Variants in VCPKMT observed in about 807,000 individuals in gnomAD.
VCPKMT encodes protein N-lysine methyltransferase METTL21D.
Under a neutral mutation model 28.6 loss-of-function variants are expected in VCPKMT, and 32 were observed. The observed-to-expected ratio is 1.12, with a 90% CI of 0.84 to 1.50. The LOEUF is 1.50. Among genes scored for constraint, VCPKMT ranks in the 40% most tolerant of loss-of-function variants. The pLI is 0.00. For synonymous variants in VCPKMT, 138 were observed against 111.4 expected (o/e 1.24, Z -1.50); for missense variants, 366 against 285.0 (o/e 1.28, Z -2.05).
chr14:50,102,898 A>T, the VCPKMT span, among the ~76,000 whole-genome samples: 1 of 152,262 alleles, frequency 6.6e-6, no homozygotes, highest in Non-Finnish European at 1.5e-5. Flanking sequence ...CATTAATTGC[A>T]AACAGAAAGG....
intron 5 of VCPKMT, chr14:50,111,268 T>A (rs978221551): frequency 1.3e-5 from 13 of 985,196 alleles, no homozygotes; most frequent in African/African-American, 1.7e-5. Context: ...GCACAACAGC[T>A]TCAGTTAACA....
intron 3 of VCPKMT, among the ~76,000 whole-genome samples, chr14:50,114,684 T>A (rs892396225): frequency 6.6e-6 from 1 of 152,026 alleles, no homozygotes; most frequent in African/African-American, 2.4e-5. Context: ...CCGCAACACC[T>A]TACAAAAAAT....
chr14:50,114,102 A>G (rs1882923866), intron 4 of VCPKMT, among the ~76,000 whole-genome samples, 183 bp downstream of exon 4: 1 of 152,210 alleles, frequency 6.6e-6, no homozygotes, highest in African/African-American at 2.4e-5. Context: ...GAAATGAAAT[A>G]AAGTATCAGA....
chr14:50,105,942 ACCT>A (rs1425335189), downstream of VCPKMT, among the ~76,000 whole-genome samples: 4 of 151,344 alleles, frequency 2.6e-5, no homozygotes, highest in Admixed American at 6.6e-5. Flanking sequence ...TTATTTTAAA[ACCT>A]CCTATTTCAT....
chr14:50,110,776 A>C (rs1259092032), intron 5 of VCPKMT, among the ~76,000 whole-genome samples: 1 of 152,220 alleles, frequency 6.6e-6, no homozygotes, highest in Non-Finnish European at 1.5e-5. Context: ...TCATCAATGG[A>C]TGGATAAGGT....
chr14:50,102,917 G>A, the VCPKMT span, among the ~76,000 whole-genome samples: 3 of 152,222 alleles, frequency 2.0e-5, no homozygotes, highest in East Asian at 5.8e-4. Flanking sequence ...GGCCTTGCAA[G>A]TTTAATATAA....
chr14:50,116,244 G>C, intron 1 of VCPKMT, 43 bp downstream of exon 1: 1 of 1,610,916 alleles, frequency 6.2e-7, no homozygotes, highest in Non-Finnish European at 8.5e-7. Context: ...GATTTCCCCA[G>C]CAAGAAGGCG....
At chr14:50,111,089 A>T in intron 5 of VCPKMT, 1 of 757,370 alleles carries the variant, frequency 1.3e-6, no homozygotes, top group Non-Finnish European at 1.6e-6. Flanking sequence ...CTATGTGAAT[A>T]TACTAAAAAC....
At chr14:50,106,447 C>A, downstream of VCPKMT, 5 of 568,204 alleles carry the variant, frequency 8.8e-6, no homozygotes, top group African/African-American at 2.0e-5. Flanking sequence ...TCACCTTATC[C>A]ATTGCACTTG....
chr14:50,112,605 T>C lies in VCPKMT; in HGVS notation c.675+10A>G, dbSNP rs1490949553. ...TCCTTGGAGAATGAAGAACTGAGAA[T>C]GTTATTTACCGATTTTTTCTTTCTG... is the stretch of plus-strand genomic sequence containing the variant. On this transcript the variant is annotated intron_variant, in intron 5 of 5. Coordinates refer to ENST00000395860, the MANE Select transcript of VCPKMT (RefSeq NM_024558.3). 3 of 1,487,296 alleles carry C rather than the reference T, an allele frequency of 2.0e-6. No homozygotes were observed. The highest frequency in any genetic ancestry group is 2.8e-5 in the African/African-American group (2 of 71,820). The allele number at this position is 1,487,296 out of a possible 1,614,324, so 92.1% of individuals were successfully genotyped here.
Position 50,115,898 on chromosome 14 carries a change from C to T in VCPKMT, c.391G>A (p.Glu131Lys), listed in dbSNP as rs753471620. The T allele has an allele frequency of 6.2e-7, 1 of 1,613,506 alleles. No homozygotes were observed. The highest frequency in any genetic ancestry group is 2.2e-5 in the East Asian group (1 of 44,846). ...AAGTCGGGTGGAGAAGGAAAGCCTT[C>T]TATTTCTTCCCCCCTTAAAAATGCC... ...AKVLKWGEEI[E>K]GFPSPPDFIL... Residue 131 changes from glutamate (E) to lysine (K), a missense_variant, in exon 3 of 6, where the codon GAA becomes AAA. Transcript: ENST00000395860.
At chr14:50,107,576 C>T (rs983550586), downstream of VCPKMT, among the ~76,000 whole-genome samples, 1 of 152,174 alleles carries the variant, frequency 6.6e-6, no homozygotes, top group African/African-American at 2.4e-5. Context: ...GGCATACAGG[C>T]GTGAGCCACC....
chr14:50,111,363 G>A, intron 5 of VCPKMT: 1 of 985,324 alleles, frequency 1.0e-6, no homozygotes, highest in African/African-American at 1.7e-5. Context: ...TCCCGCTGCT[G>A]CCTTTTTACT....
rs117179687 is a variant in VCPKMT at position 50,112,639 on chromosome 14, A to G, written c.651T>C (p.Ile217=). The change falls in exon 5 of 6, where the codon ATT becomes ATC. Residue 217 remains isoleucine (I), a synonymous_variant. Coordinates refer to ENST00000395860, the MANE Select transcript of VCPKMT (RefSeq NM_024558.3). ...DEEYRSEDIH[I]IYIRKKKSKF... ...CCGATTTTTTCTTTCTGATGTATATAATATGAATATCTTCACTTCGATACT... is the reference window on the plus strand; with the variant it reads ...CCGATTTTTTCTTTCTGATGTATATGATATGAATATCTTCACTTCGATACT... 0.013 allele frequency: 20,018 copies of G among 1,559,934 alleles called. 168 individuals are homozygous for G. Among genetic ancestry groups the G allele is most frequent in the Non-Finnish European group, 0.015 (16,853 of 1,147,312 alleles).
chr14:50,116,021 A>G, intron 2 of VCPKMT, 48 bp downstream of exon 2: 1 of 1,594,026 alleles, frequency 6.3e-7, no homozygotes, highest in Non-Finnish European at 8.6e-7. Context: ...GCAATTCAAA[A>G]CAAACTACAA....
chr14:50,103,602 G>A, the VCPKMT span, among the ~76,000 whole-genome samples: 3 of 152,276 alleles, frequency 2.0e-5, no homozygotes, highest in East Asian at 5.8e-4. Context: ...GATTTGCTCT[G>A]TCCCTATTGG....
chr14:50,104,375 G>A (rs1403554663), downstream of VCPKMT, among the ~76,000 whole-genome samples: 5 of 152,104 alleles, frequency 3.3e-5, no homozygotes, highest in Admixed American at 2.0e-4. Context: ...TGGTGAAAAT[G>A]CCTTGAGAAT....
Position 50,108,926 on chromosome 14 carries a change from T to C in VCPKMT, c.*773A>G, listed in dbSNP as rs1397120173. ...GCCAGATTTTCCTGGAACATATACATAAAGTGCATGAGCCACGTAAGTGCA... is the reference window on the plus strand; with the variant it reads ...GCCAGATTTTCCTGGAACATATACACAAAGTGCATGAGCCACGTAAGTGCA... On this transcript the variant is annotated 3_prime_UTR_variant, in exon 6 of 6. Transcript: ENST00000395860. 1.0e-6 allele frequency: 1 copy of C among 985,352 alleles called. No homozygotes were observed. The highest frequency in any genetic ancestry group is 1.2e-6 in the Non-Finnish European group (1 of 829,942). 61.0% of individuals were successfully genotyped at this position (985,352 alleles called of 1,614,324 possible).
At chr14:50,104,825 A>C (rs575557394), downstream of VCPKMT, among the ~76,000 whole-genome samples, 9 of 152,326 alleles carry the variant, frequency 5.9e-5, no homozygotes, top group South Asian at 1.9e-3. Context: ...ACTTGAATTA[A>C]TTTAGCCTCT....
Sources: gnomAD v4.1 joint callset for allele counts (sites outside exome capture counted in the v4.1 genomes callset) on GRCh38, gnomAD v4.1.1 for gene constraint, MANE v1.5 for transcripts, NCBI Gene and HGNC (gene_info 2026-07-23, HGNC 2026-07-21) for gene names.